The following MRPS5 variants were observed in gnomAD, a reference collection of about 807,000 sequenced individuals.
MRPS5 encodes mitochondrial ribosomal protein S5, also known as small ribosomal subunit protein uS5m.
In MRPS5, 27 loss-of-function variants were observed where a neutral mutation model predicts 51.9. That is an observed-to-expected ratio of 0.52 (90% CI 0.38 to 0.72). The LOEUF is 0.72. MRPS5 is among the 30% of genes least tolerant of loss of function. MRPS5 has a pLI of 0.00. For missense variants in MRPS5, 570 were observed against 545.7 expected (o/e 1.04, Z -0.44); for synonymous variants, 196 against 193.2 (o/e 1.01, Z -0.12).
chr2:95,108,156 A>C lies in MRPS5; in HGVS notation c.637+19T>G, dbSNP rs755244285. The C allele has an allele frequency of 1.2e-6, 2 of 1,608,614 alleles. No homozygotes were observed. The highest frequency in any genetic ancestry group is 1.7e-6 in the Non-Finnish European group (2 of 1,174,944). The stretch of plus-strand genomic sequence containing the variant: ...AGTACTCTCTGTCACAAAGGCAAAC[A>C]AAACCAGGAGTTTGCTACCTCCACA... On this transcript the variant is annotated intron_variant, in intron 5 of 11. Transcript: ENST00000272418.
chr2:95,110,119 A>G (rs576378122), intron 3 of MRPS5, 78 bp from the exon 4 acceptor site: 87 of 1,541,948 alleles, frequency 5.6e-5, no homozygotes, highest in Non-Finnish European at 7.4e-5. Context: ...GAATAATAAG[A>G]GAAGTGGAGG....
chr2:95,088,706 G>A (rs1675370591), intron 11 of MRPS5, among the ~76,000 whole-genome samples: 1 of 152,204 alleles, frequency 6.6e-6, no homozygotes. Flanking sequence ...GGCATTTTAG[G>A]AGAGATGACA....
At chr2:95,118,892 A>G (rs943657517) in intron 1 of MRPS5, among the ~76,000 whole-genome samples, 20 of 152,228 alleles carry the variant, frequency 1.3e-4, no homozygotes, top group Non-Finnish European at 2.9e-5. Flanking sequence ...AAACGATGAA[A>G]CTTAGAAGAA....
At chr2:95,092,571 A>G (rs1675499752) in intron 10 of MRPS5, 2 of 152,240 alleles carry the variant, frequency 1.3e-5, no homozygotes, top group Non-Finnish European at 2.9e-5. Context: ...GAAACGTCTA[A>G]AAGTATTATA....
chr2:95,112,340 C>T (rs1676145468), intron 3 of MRPS5, among the ~76,000 whole-genome samples: 1 of 152,164 alleles, frequency 6.6e-6, no homozygotes, highest in Non-Finnish European at 1.5e-5. Flanking sequence ...GCTAGGATTA[C>T]AGGCATTGAG....
chr2:95,115,126 T>C lies in MRPS5; in HGVS notation c.217A>G (p.Ile73Val). Reference sequence around the variant, plus strand: ...CTCATCAGGTGACTGGGAGAAGAAATACAGCATTGTGTCTGCAGTGCACGG... The same window carrying C: ...CTCATCAGGTGACTGGGAGAAGAAACACAGCATTGTGTCTGCAGTGCACGG... ...LSRALQTQCC[I>V]SSPSHLMSQQ... The change falls in exon 3 of 12, where the codon ATT becomes GTT. Residue 73 changes from isoleucine (I) to valine (V), a missense_variant. By Grantham distance (29) the Ile-to-Val change is conservative. Coordinates refer to ENST00000272418, the MANE Select transcript of MRPS5 (RefSeq NM_031902.5). 6.2e-7 allele frequency: 1 copy of C among 1,612,648 alleles called. No homozygotes were observed. The highest frequency in any genetic ancestry group is 8.5e-7 in the Non-Finnish European group (1 of 1,179,710).
chr2:95,100,386 C>T, intron 10 of MRPS5, 88 bp downstream of exon 10: 4 of 991,216 alleles, frequency 4.0e-6, no homozygotes, highest in Non-Finnish European at 6.2e-6. Context: ...ATGAGTTCAA[C>T]TAAAGATGAA....
In MRPS5 at chr2:95,117,958, A is replaced by G; in HGVS notation, c.59-13T>C. 1 of 1,577,804 alleles carries G rather than the reference A, an allele frequency of 6.3e-7. No individual in the cohort carries two copies. Among genetic ancestry groups the G allele is most frequent in the Non-Finnish European group, 8.6e-7 (1 of 1,165,436 alleles). On this transcript the variant is annotated splice_polypyrimidine_tract_variant and intron_variant, in intron 1 of 11. Transcript: ENST00000272418. ...CCCAATAAATGACCTGCAAATTGGAAAAAAAAAAATTTAAGATACATTTCT... is the reference window on the plus strand; with the variant it reads ...CCCAATAAATGACCTGCAAATTGGAGAAAAAAAAATTTAAGATACATTTCT...
At chr2:95,110,592 C>T (rs1013855185) in intron 3 of MRPS5, among the ~76,000 whole-genome samples, 1 of 152,144 alleles carries the variant, frequency 6.6e-6, no homozygotes, top group African/African-American at 2.4e-5. Flanking sequence ...CACTTGAGGC[C>T]AGAGTTGGAG....
chr2:95,111,705 A>T (rs1676125217), intron 3 of MRPS5, among the ~76,000 whole-genome samples: 1 of 152,176 alleles, frequency 6.6e-6, no homozygotes, highest in Non-Finnish European at 1.5e-5. Flanking sequence ...TCCCATTACC[A>T]TTGTTAGATA....
chr2:95,106,813 G>A (rs1675964197), intron 5 of MRPS5: 1 of 331,098 alleles, frequency 3.0e-6, no homozygotes, highest in South Asian at 3.3e-5. Context: ...GAAACTTTGT[G>A]ATGCCCTCAA....
chr2:95,121,922 G>T, upstream of MRPS5: 1 of 1,075,100 alleles, frequency 9.3e-7, no homozygotes, highest in African/African-American at 1.7e-5. Flanking sequence ...ACGCAGCAGC[G>T]CAGGCCGGGG....
chr2:95,090,287 AG>A, intron 11 of MRPS5, 98 bp downstream of exon 11: 1 of 1,286,130 alleles, frequency 7.8e-7, no homozygotes. Context: ...AGGTGGCCCC[AG>A]GAAAGCATCT....
chr2:95,121,002 C>T (rs1676428443), intron 1 of MRPS5, among the ~76,000 whole-genome samples: 1 of 152,114 alleles, frequency 6.6e-6, no homozygotes, highest in Non-Finnish European at 1.5e-5. Flanking sequence ...CCTGTAATCC[C>T]AGCTACTCAG....
intron 10 of MRPS5, among the ~76,000 whole-genome samples, chr2:95,099,920 G>A (rs1224860152): frequency 6.6e-6 from 1 of 152,110 alleles, no homozygotes; most frequent in Non-Finnish European, 1.5e-5. Flanking sequence ...AGAACTACAG[G>A]TGAAATGCAA....
intron 10 of MRPS5, among the ~76,000 whole-genome samples, chr2:95,099,462 T>C (rs1675734288): frequency 6.6e-6 from 1 of 152,212 alleles, no homozygotes; most frequent in South Asian, 2.1e-4. Flanking sequence ...ATGTAATCAA[T>C]ACAATAATAT....
intron 2 of MRPS5, among the ~76,000 whole-genome samples, chr2:95,115,471 G>A (rs1255949300): frequency 6.6e-6 from 1 of 152,190 alleles, no homozygotes; most frequent in Non-Finnish European, 1.5e-5. Context: ...CGCAGTTTCA[G>A]CACTGCATTC....
intron 10 of MRPS5, among the ~76,000 whole-genome samples, chr2:95,097,805 A>G (rs1048065330): frequency 4.6e-5 from 7 of 152,242 alleles, no homozygotes; most frequent in Admixed American, 4.6e-4. Flanking sequence ...CTTCATGACT[A>G]AAACACCAAA....
chr2:95,090,350 C>G (rs1263140528), intron 11 of MRPS5, 36 bp downstream of exon 11: 1 of 1,609,924 alleles, frequency 6.2e-7, no homozygotes, highest in Admixed American at 1.7e-5. Context: ...GAAATACAAA[C>G]TAGAACCTCT....
Sources: gnomAD v4.1 joint callset for allele counts (sites outside exome capture counted in the v4.1 genomes callset) on GRCh38, gnomAD v4.1.1 for gene constraint, MANE v1.5 for transcripts, NCBI Gene and HGNC (gene_info 2026-07-23, HGNC 2026-07-21) for gene names.